CCDC171: variants seen among roughly 807,000 people sequenced by gnomAD.
CCDC171 encodes coiled-coil domain-containing protein 171.
Under a neutral mutation model 168.2 loss-of-function variants are expected in CCDC171, and 177 were observed. That is an observed-to-expected ratio of 1.05 (90% CI 0.93 to 1.19). The LOEUF (loss-of-function observed/expected upper bound fraction) is 1.19. Ranked by LOEUF, CCDC171 falls within the 50% of genes most tolerant of loss-of-function variation. The pLI, the probability that CCDC171 is intolerant of heterozygous loss-of-function variation, is 0.00. For missense variants in CCDC171, 1,991 were observed against 1,539.0 expected (o/e 1.29, Z -4.91); for synonymous variants, 687 against 540.8 (o/e 1.27, Z -3.75).
intron 3 of CCDC171, among the ~76,000 whole-genome samples, chr9:15,990,168 C>T (rs1006692799): frequency 6.6e-6 from 1 of 152,110 alleles, no homozygotes; most frequent in Admixed American, 6.5e-5. Flanking sequence ...ATGTTAAGGG[C>T]AGCCAGAGAG....
At chr9:15,960,465 A>G (rs150671528) in intron 25 of CCDC171, among the ~76,000 whole-genome samples, 6 of 152,334 alleles carry the variant, frequency 3.9e-5, no homozygotes, top group Non-Finnish European at 7.4e-5. Flanking sequence ...GGGAAAATTT[A>G]TCATATGGAA....
chr9:15,676,809 C>T (rs1451289903), intron 9 of CCDC171, among the ~76,000 whole-genome samples: 2 of 152,100 alleles, frequency 1.3e-5, no homozygotes, highest in African/African-American at 4.8e-5. Flanking sequence ...TTTGAGAAGT[C>T]TGAAGTCAGT....
intron 25 of CCDC171, among the ~76,000 whole-genome samples, chr9:15,940,584 T>A (rs575728045): frequency 2.0e-4 from 31 of 151,958 alleles, no homozygotes; most frequent in Non-Finnish European, 4.1e-4. Flanking sequence ...TTGAGTACAA[T>A]AAACAATTTT....
intron 18 of CCDC171, among the ~76,000 whole-genome samples, chr9:15,756,795 C>T (rs759507502): frequency 1.1e-4 from 16 of 152,134 alleles, no homozygotes; most frequent in Non-Finnish European, 2.1e-4. Context: ...GGTGGTTTCC[C>T]ACATACTGTT....
intron 24 of CCDC171, among the ~76,000 whole-genome samples, chr9:15,878,110 A>G (rs1818101874): frequency 6.6e-6 from 1 of 152,182 alleles, no homozygotes; most frequent in Non-Finnish European, 1.5e-5. Context: ...CAATTGCAAC[A>G]AAGACAACAA....
chr9:15,800,591 T>C (rs981667313), intron 21 of CCDC171, among the ~76,000 whole-genome samples: 1 of 152,200 alleles, frequency 6.6e-6, no homozygotes, highest in Admixed American at 6.5e-5. Flanking sequence ...TTGTTTCTTT[T>C]GCTGTGCAGA....
At chr9:15,626,087 T>A (rs200823198) in intron 7 of CCDC171, among the ~76,000 whole-genome samples, 1 of 152,154 alleles carries the variant, frequency 6.6e-6, no homozygotes, top group Non-Finnish European at 1.5e-5. Context: ...GCAATCATGA[T>A]TGGGAGTTCC....
At chr9:15,931,384 C>T (rs970268415) in intron 25 of CCDC171, among the ~76,000 whole-genome samples, 2 of 146,766 alleles carry the variant, frequency 1.4e-5, no homozygotes, top group East Asian at 4.0e-4. Context: ...ACTTGTATGT[C>T]TTCTTTTGAG....
chr9:15,812,221 C>A (rs995707043), intron 21 of CCDC171, among the ~76,000 whole-genome samples: 2 of 152,168 alleles, frequency 1.3e-5, no homozygotes, highest in Non-Finnish European at 2.9e-5. Flanking sequence ...AAGGGCATAG[C>A]TTTCTTATTC....
intron 9 of CCDC171, among the ~76,000 whole-genome samples, chr9:15,677,805 A>G (rs1180018240): frequency 7.2e-6 from 1 of 139,720 alleles, no homozygotes; most frequent in Non-Finnish European, 1.5e-5. Context: ...TCTCATATAT[A>G]TACACACACA....
At chr9:15,895,137 G>A (rs557074881) in intron 24 of CCDC171, among the ~76,000 whole-genome samples, 3 of 152,228 alleles carry the variant, frequency 2.0e-5, no homozygotes, top group African/African-American at 7.2e-5. Flanking sequence ...TGAACTCTGA[G>A]CCTTGGGACC....
intron 11 of CCDC171, among the ~76,000 whole-genome samples, chr9:15,712,540 G>A (rs2052746712): frequency 6.6e-6 from 1 of 152,204 alleles, no homozygotes; most frequent in African/African-American, 2.4e-5. Flanking sequence ...ATACATGATG[G>A]TGAATTAAAG....
intron 1 of CCDC171, among the ~76,000 whole-genome samples, chr9:16,051,292 TCA>T (rs1264026525): frequency 6.6e-6 from 1 of 152,180 alleles, no homozygotes; most frequent in African/African-American, 2.4e-5. Context: ...CCCTCTGACC[TCA>T]GTTTCCTTAT....
chr9:15,870,570 A>C (rs934033524), intron 23 of CCDC171, among the ~76,000 whole-genome samples: 2 of 151,806 alleles, frequency 1.3e-5, no homozygotes, highest in Non-Finnish European at 2.9e-5. Context: ...ATGTGTTTTT[A>C]AGTCAACCTC....
chr9:15,719,785 ATTGTAAAAATGCAGAT>A (rs1364217636), intron 11 of CCDC171, among the ~76,000 whole-genome samples: 21 of 152,286 alleles, frequency 1.4e-4, no homozygotes, highest in African/African-American at 5.1e-4. Context: ...TTTCTCCCTT[ATTGTAAAAATGCAGAT>A]TTCCCGAGTG....
At chr9:15,642,362 T>TAC (rs1282746029) in intron 7 of CCDC171, among the ~76,000 whole-genome samples, 3 of 45,074 alleles carry the variant, frequency 6.7e-5, no homozygotes, top group African/African-American at 1.5e-4. Flanking sequence ...TATATATATA[T>TAC]ATATATATAT....
intron 3 of CCDC171, 112 bp downstream of exon 3, chr9:15,571,871 T>A: frequency 1.1e-6 from 1 of 911,166 alleles, no homozygotes; most frequent in Non-Finnish European, 1.6e-6. Flanking sequence ...TTCTTGGGCT[T>A]AAAAAGGAAA....
At chr9:15,569,758 T>C (rs1049859945) in intron 2 of CCDC171, among the ~76,000 whole-genome samples, 6 of 150,582 alleles carry the variant, frequency 4.0e-5, no homozygotes, top group Non-Finnish European at 8.8e-5. Flanking sequence ...GAGCTTGCAG[T>C]GAGCCGAGAT....
intron 21 of CCDC171, among the ~76,000 whole-genome samples, chr9:15,821,348 A>G (rs2059761920): frequency 8.5e-6 from 1 of 117,184 alleles, no homozygotes; most frequent in South Asian, 2.9e-4. Context: ...GCAATCAGGC[A>G]GGAGAAGGAA....
Sources: allele counts gnomAD v4.1 joint callset (sites outside exome capture counted in the v4.1 genomes callset), GRCh38; gene constraint gnomAD v4.1.1; transcripts MANE v1.5; gene names NCBI Gene and HGNC (gene_info 2026-07-23, HGNC 2026-07-21).